The following ZBTB44 variants were observed in gnomAD, a reference collection of about 807,000 sequenced individuals.
ZBTB44 encodes the protein zinc finger and BTB domain containing 44.
A neutral mutation model predicts 54.0 loss-of-function variants in ZBTB44; 15 were observed. The ratio of observed to expected loss-of-function variants is 0.28; its 90% confidence interval spans 0.19 to 0.43. The LOEUF (loss-of-function observed/expected upper bound fraction) is 0.43. Among genes scored for constraint, ZBTB44 ranks in the 20% least tolerant of loss-of-function variants. The pLI is 1.00. For synonymous variants in ZBTB44, 230 were observed against 250.1 expected (o/e 0.92, Z 0.76); for missense variants, 487 against 707.1 (o/e 0.69, Z 3.53).
At chr11:130,269,014 G>A (rs1939477442) in intron 1 of ZBTB44, among the ~76,000 whole-genome samples, 1 of 151,708 alleles carries the variant, frequency 6.6e-6, no homozygotes, top group Admixed American at 6.6e-5. Flanking sequence ...AATCTCGCCA[G>A]GCACGGTGGC....
rs889769064 is a variant in ZBTB44, at chr11:130,228,218, C to T, written c.*3546G>A. On this transcript the variant is annotated 3_prime_UTR_variant, in exon 8 of 8. Coordinates refer to ENST00000357899, the MANE Select transcript of ZBTB44 (RefSeq NM_001301098.2). ...GAACTTGGACCAAAACCAAATTTTA[C>T]TCTATTAGGGACCGTTGCTTTTTTA... is the stretch of plus-strand genomic sequence containing the variant. 6.6e-6 allele frequency: 1 copy of T among 152,170 alleles called. No homozygotes were observed. Among genetic ancestry groups the T allele is most frequent in the Non-Finnish European group, 1.5e-5 (1 of 68,030 alleles). 9.4% of individuals were successfully genotyped at this position (152,170 alleles called of 1,614,324 possible).
chr11:130,247,543 T>TCTGC (rs1334614430), intron 2 of ZBTB44, among the ~76,000 whole-genome samples: 2 of 152,238 alleles, frequency 1.3e-5, no homozygotes, highest in Non-Finnish European at 1.5e-5. Flanking sequence ...CTGAAGATCA[T>TCTGC]CTGCCTGCCT....
At chr11:130,237,173 T>C (rs912191614) in intron 4 of ZBTB44, 80 bp from the exon 5 acceptor site, 4 of 1,312,664 alleles carry the variant, frequency 3.0e-6, no homozygotes, top group African/African-American at 1.5e-5. Context: ...CTGAACTATA[T>C]TTCTGTAGCA....
intron 1 of ZBTB44, among the ~76,000 whole-genome samples, chr11:130,290,581 C>T (rs894385114): frequency 1.3e-5 from 2 of 152,124 alleles, no homozygotes; most frequent in African/African-American, 2.4e-5. Flanking sequence ...TCAGTCTCAC[C>T]GGCCTTATAT....
At chr11:130,288,971 G>A (rs957485113) in intron 1 of ZBTB44, among the ~76,000 whole-genome samples, 2 of 151,698 alleles carry the variant, frequency 1.3e-5, no homozygotes, top group African/African-American at 4.8e-5. Context: ...ACAAGACTAA[G>A]CAAGGTGAAT....
At chr11:130,252,814 A>G (rs1196800220) in intron 2 of ZBTB44, among the ~76,000 whole-genome samples, 1 of 152,232 alleles carries the variant, frequency 6.6e-6, no homozygotes, top group African/African-American at 2.4e-5. Flanking sequence ...AAAATCCTCA[A>G]TAAAATACTG....
chr11:130,248,965 G>A (rs553232219), intron 2 of ZBTB44, among the ~76,000 whole-genome samples: 1 of 152,098 alleles, frequency 6.6e-6, no homozygotes, highest in Admixed American at 6.5e-5. Flanking sequence ...TTAGCTGGGT[G>A]TGGTGGTGTG....
intron 5 of ZBTB44, 94 bp from the exon 6 acceptor site, chr11:130,234,367 G>T: frequency 1.6e-6 from 2 of 1,264,766 alleles, no homozygotes; most frequent in African/African-American, 1.5e-5. Flanking sequence ...CAACAAAATT[G>T]GGACTCTTCA....
chr11:130,281,016 C>T (rs1277481828), intron 1 of ZBTB44, among the ~76,000 whole-genome samples: 1 of 152,076 alleles, frequency 6.6e-6, no homozygotes, highest in African/African-American at 2.4e-5. Context: ...GAAGTTCTCT[C>T]ATTAACACAA....
chr11:130,239,967 T>C, intron 2 of ZBTB44, 71 bp from the exon 3 acceptor site: 1 of 1,056,282 alleles, frequency 9.5e-7, no homozygotes. Context: ...CTGAAAGCTA[T>C]ATTATATCTA....
chr11:130,268,222 T>TAAAAAAAAAAA (rs1189306993), intron 1 of ZBTB44, among the ~76,000 whole-genome samples: 67 of 128,918 alleles, frequency 5.2e-4, no homozygotes, highest in Non-Finnish European at 8.9e-4. Flanking sequence ...ACGTCTAATT[T>TAAAAAAAAAAA]AAAAAAAAAA....
At chr11:130,296,769 T>C (rs1165864737) in intron 1 of ZBTB44, 1 of 795,128 alleles carries the variant, frequency 1.3e-6, no homozygotes, top group Non-Finnish European at 2.3e-6. Context: ...CTACTTTCTT[T>C]GTAAGTCAGC....
intron 1 of ZBTB44, among the ~76,000 whole-genome samples, chr11:130,263,840 C>T (rs941569372): frequency 1.3e-5 from 2 of 152,198 alleles, no homozygotes; most frequent in African/African-American, 2.4e-5. Flanking sequence ...GCTTACTCCC[C>T]TGCAGGGAAA....
At chr11:130,309,874 C>G (rs1218962432) in intron 1 of ZBTB44, among the ~76,000 whole-genome samples, 2 of 125,070 alleles carry the variant, frequency 1.6e-5, no homozygotes, top group African/African-American at 6.3e-5. Context: ...CCAGCCTGGG[C>G]AACAGAGGGC....
intron 1 of ZBTB44, among the ~76,000 whole-genome samples, chr11:130,262,292 C>A (rs141044066): frequency 0.062 from 9,501 of 152,052 alleles, 738 homozygotes; most frequent in African/African-American, 0.18. Context: ...GGCACCCGCC[C>A]TCATGCCTGG....
chr11:130,281,873 G>A (rs1173605930), intron 1 of ZBTB44, among the ~76,000 whole-genome samples: 1 of 152,188 alleles, frequency 6.6e-6, no homozygotes, highest in East Asian at 1.9e-4. Context: ...CCAAAGTGCT[G>A]GGATTATAGG....
intron 1 of ZBTB44, among the ~76,000 whole-genome samples, chr11:130,305,938 A>C (rs1942241307): frequency 6.6e-6 from 1 of 152,166 alleles, no homozygotes; most frequent in Non-Finnish European, 1.5e-5. Context: ...TCCTGTCAAA[A>C]AATGGGTTAA....
chr11:130,301,055 G>C (rs1592068771), intron 1 of ZBTB44, among the ~76,000 whole-genome samples: 1 of 152,120 alleles, frequency 6.6e-6, no homozygotes, highest in East Asian at 2.0e-4. Flanking sequence ...ACACAGAAAA[G>C]AGGGAAAGGT....
At chr11:130,288,814 T>C (rs1181747621) in intron 1 of ZBTB44, among the ~76,000 whole-genome samples, 1 of 151,660 alleles carries the variant, frequency 6.6e-6, no homozygotes, top group Admixed American at 6.6e-5. Context: ...CGAGAATCGC[T>C]TGAACCCGGG....
Sources: allele counts gnomAD v4.1 joint callset (sites outside exome capture counted in the v4.1 genomes callset), GRCh38; gene constraint gnomAD v4.1.1; transcripts MANE v1.5; gene names NCBI Gene and HGNC (gene_info 2026-07-23, HGNC 2026-07-21).